ELN: variants seen among roughly 807,000 people sequenced by gnomAD.
ELN encodes elastin.
A neutral mutation model predicts 105.8 loss-of-function variants in ELN; 65 were observed. The ratio of observed to expected loss-of-function variants is 0.61; its 90% CI spans 0.50 to 0.75. ELN has a LOEUF of 0.75. ELN is among the 30% of genes least tolerant of loss of function. The pLI, the probability that ELN is intolerant of heterozygous loss-of-function variation, is 0.00. For missense variants in ELN, 882 were observed against 969.4 expected (o/e 0.91, Z 1.20); for synonymous variants, 368 against 389.2 (o/e 0.95, Z 0.64).
Position 74,045,297 on chromosome 7 carries a change from T to C in ELN, c.541+4T>C. 1 of 1,614,036 alleles carries C rather than the reference T, an allele frequency of 6.2e-7. No homozygotes were observed. The highest frequency in any genetic ancestry group is 8.5e-7 in the Non-Finnish European group (1 of 1,180,036). Reference sequence around the variant, plus strand: ...GGAGTTAAGCCCAAGGCTCCAGGTATGCAGCTGTCTGGACAGAGGGCTGAT... The same window carrying C: ...GGAGTTAAGCCCAAGGCTCCAGGTACGCAGCTGTCTGGACAGAGGGCTGAT... On this transcript the variant is annotated splice_donor_region_variant and intron_variant, in intron 10 of 32. Coordinates refer to ENST00000252034, the MANE Select transcript of ELN (RefSeq NM_000501.4).
At chr7:74,046,638 T>G in intron 11 of ELN, 58 bp from the exon 12 acceptor site, 1 of 1,578,840 alleles carries the variant, frequency 6.3e-7, no homozygotes, top group Non-Finnish European at 8.7e-7. Flanking sequence ...GTGGAGTGGG[T>G]GGCGGAGGGT....
At position 74,061,140 on chromosome 7, in the gene ELN, G is replaced by T. The variant is rs1308131457; in HGVS notation, c.1786+1G>T. 1 of 1,613,996 alleles carries T rather than the reference G, an allele frequency of 6.2e-7. No homozygotes were observed. The highest frequency in any genetic ancestry group is 8.5e-7 in the Non-Finnish European group (1 of 1,180,048). ...GCTGCCGCTAAAGCAGCCAAATATG[G>T]TGAGTGCACCCCACAACCACTTGTG... On this transcript the variant is annotated splice_donor_variant, in intron 26 of 32. Transcript: ENST00000252034. LOFTEE classifies it high-confidence loss of function.
In ELN at chr7:74,054,746, C is replaced by A. The variant is rs144404558; in HGVS notation, c.1127C>A (p.Ala376Glu). 2 of 1,614,162 alleles carry A rather than the reference C, an allele frequency of 1.2e-6. No individual in the cohort carries two copies. Among genetic ancestry groups the A allele is most frequent in the South Asian group, 1.1e-5 (1 of 91,074 alleles). ...GVVSPEAAAK[A>E]AAKAAKYGAR... ...GTGTCACCAGAAGCAGCTGCTAAGG[C>A]AGCTGCAAAGGCAGCCAAATACGGT... Residue 376 changes from alanine (A) to glutamate (E), a missense_variant, in exon 19 of 33, where the codon GCA (alanine) becomes GAA (glutamate). Ala to Glu is a moderately radical substitution (Grantham distance 107). Transcript: ENST00000252034.
chr7:74,063,534 C>G lies in ELN; in HGVS notation c.1919-87C>G. On this transcript the variant is annotated intron_variant, in intron 28 of 32. Coordinates refer to ENST00000252034, the MANE Select transcript of ELN (RefSeq NM_000501.4). This position sits in a 1 kb window ranked among gnomAD's most constrained non-coding sequence, Gnocchi z 4.1. ...GGAGACCTCAGGCTCCACCTGTGTC[C>G]CCAGAGGACACCTCCGCCCTCCACA... is the stretch of plus-strand genomic sequence containing the variant. 6.2e-7 allele frequency: 1 copy of G among 1,611,394 alleles called. No homozygotes were observed. The highest frequency in any genetic ancestry group is 8.5e-7 in the Non-Finnish European group (1 of 1,178,586).
At chr7:74,054,609 C>A in intron 18 of ELN, 107 bp from the exon 19 acceptor site, 1 of 1,155,354 alleles carries the variant, frequency 8.7e-7, no homozygotes. Context: ...TCTATGTTGG[C>A]ATGAAAGGAG....
chr7:74,048,160 T>C lies in ELN; in HGVS notation c.704T>C (p.Val235Ala). 1 of 1,613,352 alleles carries C rather than the reference T, an allele frequency of 6.2e-7. No individual in the cohort carries two copies. The highest frequency in any genetic ancestry group is 1.3e-5 in the African/African-American group (1 of 74,700). ...KLPYGYGPGG[V>A]AGAAGKAGYP... Reference sequence around the variant, plus strand: ...TTTGCAGGCTATGGGCCCGGAGGAGTGGCTGGTGCAGCGGGCAAGGCTGGT... The same window carrying C: ...TTTGCAGGCTATGGGCCCGGAGGAGCGGCTGGTGCAGCGGGCAAGGCTGGT... The change falls in exon 14 of 33, where the codon GTG becomes GCG. Residue 235 changes from valine to alanine, a missense_variant. Coordinates refer to ENST00000252034, the MANE Select transcript of ELN (RefSeq NM_000501.4).
At chr7:74,052,950 T>C in intron 17 of ELN, 1 of 613,768 alleles carries the variant, frequency 1.6e-6, no homozygotes, top group Non-Finnish European at 2.8e-6. Context: ...GAGATCACAT[T>C]CCTCCAGCTC....
intron 1 of ELN, among the ~76,000 whole-genome samples, chr7:74,032,268 C>CTG (rs1554662844): frequency 1.3e-5 from 2 of 152,204 alleles, no homozygotes; most frequent in African/African-American, 4.8e-5. Context: ...TGCTTAGGGC[C>CTG]AGCTGAGCAG....
chr7:74,048,365 A>G, intron 14 of ELN, 138 bp from the exon 15 acceptor site: 1 of 1,491,802 alleles, frequency 6.7e-7, no homozygotes, highest in South Asian at 1.1e-5. Context: ...GGGCAGCTCC[A>G]TCAGCCTCTG....
intron 15 of ELN, among the ~76,000 whole-genome samples, chr7:74,050,838 T>C (rs1284437910): frequency 6.6e-6 from 1 of 152,108 alleles, no homozygotes; most frequent in Non-Finnish European, 1.5e-5. Context: ...TGACATGTGA[T>C]TTAGGCCTTA....
At chr7:74,045,673 A>T in intron 10 of ELN, 1 of 353,338 alleles carries the variant, frequency 2.8e-6, no homozygotes, top group South Asian at 2.4e-5. Context: ...AGCCCAGGAG[A>T]TCAAGGTTGT....
chr7:74,037,839 A>T (rs1790340091), intron 4 of ELN, 100 bp downstream of exon 4: 2 of 1,529,760 alleles, frequency 1.3e-6, no homozygotes, highest in African/African-American at 2.7e-5. Flanking sequence ...GGAACAGGAC[A>T]AGGAAGCCAA....
chr7:74,066,723 C>G lies in ELN; in HGVS notation c.2087-9C>G, dbSNP rs782288879. 1 of 1,613,984 alleles carries G rather than the reference C, an allele frequency of 6.2e-7. No homozygotes were observed. Among genetic ancestry groups the G allele is most frequent in the East Asian group, 2.2e-5 (1 of 44,882 alleles). Reference sequence around the variant, plus strand: ...CTACCAACCCACCAACCTGAAATCTCTCCTGCAGGAGTGGCAGCAAGACCT... The same window carrying G: ...CTACCAACCCACCAACCTGAAATCTGTCCTGCAGGAGTGGCAGCAAGACCT... On this transcript the variant is annotated splice_polypyrimidine_tract_variant and intron_variant, in intron 31 of 32. Transcript: ENST00000252034.
intron 15 of ELN, 108 bp from the exon 16 acceptor site, chr7:74,051,642 T>G: frequency 7.7e-7 from 1 of 1,306,502 alleles, no homozygotes; most frequent in Non-Finnish European, 1.1e-6. Context: ...CCGGGCCCCA[T>G]TCCTGGATAA....
At chr7:74,053,413 C>A (rs1794554802) in intron 18 of ELN, 104 bp downstream of exon 18, 2 of 1,540,220 alleles carry the variant, frequency 1.3e-6, no homozygotes, top group South Asian at 2.4e-5. Flanking sequence ...TCCCTAACAC[C>A]ATAACCATCT....
At chr7:74,060,333 A>G in intron 24 of ELN, 43 bp from the exon 25 acceptor site, 1 of 1,614,050 alleles carries the variant, frequency 6.2e-7, no homozygotes, top group Non-Finnish European at 8.5e-7. Flanking sequence ...CCTTAGGGGC[A>G]TGCTCCCTGC....
chr7:74,031,913 G>GAAGGAAGA (rs1554662562), intron 1 of ELN, among the ~76,000 whole-genome samples: 3 of 149,168 alleles, frequency 2.0e-5, no homozygotes, highest in African/African-American at 7.4e-5. Flanking sequence ...AGGAAGGAAG[G>GAAGGAAGA]AAAATGTTGG....
intron 25 of ELN, 85 bp downstream of exon 25, chr7:74,060,586 C>G: frequency 6.2e-7 from 1 of 1,602,452 alleles, no homozygotes; most frequent in Non-Finnish European, 8.5e-7. Context: ...CCCAGCACCC[C>G]CTCATCACCC....
At chr7:74,042,805 G>A (rs1329468453) in intron 6 of ELN, 99 bp downstream of exon 6, 21 of 1,543,546 alleles carry the variant, frequency 1.4e-5, no homozygotes, top group Non-Finnish European at 1.5e-5. Context: ...TGGGAGCCGG[G>A]TGGGTGGGAT....
Sources: allele counts gnomAD v4.1 joint callset (sites outside exome capture counted in the v4.1 genomes callset), GRCh38; gene constraint gnomAD v4.1.1; non-coding constraint Gnocchi (gnomAD v3.1); transcripts MANE v1.5; gene names NCBI Gene and HGNC (gene_info 2026-07-23, HGNC 2026-07-21).